PTPN22: variants seen among roughly 807,000 people sequenced by gnomAD.
The protein encoded by PTPN22 is protein tyrosine phosphatase non-receptor type 22, also known as tyrosine-protein phosphatase non-receptor type 22.
In PTPN22, 85 loss-of-function variants were observed where a neutral mutation model predicts 103.3. That is an observed-to-expected ratio of 0.82 (90% confidence interval 0.69 to 0.99). The LOEUF (loss-of-function observed/expected upper bound fraction) is 0.99, where lower values mean the gene tolerates loss of function less well. PTPN22 is among the 50% of genes least tolerant of loss of function. The pLI, the probability that PTPN22 is intolerant of heterozygous loss-of-function variation, is 0.00. For missense variants in PTPN22, 865 were observed against 936.9 expected (o/e 0.92, Z 1.00); for synonymous variants, 323 against 310.2 (o/e 1.04, Z -0.43).
At chr1:113,831,963 ATATT>A (rs1387013810) in intron 16 of PTPN22, among the ~76,000 whole-genome samples, 1 of 152,256 alleles carries the variant, frequency 6.6e-6, no homozygotes, top group Non-Finnish European at 1.5e-5. Flanking sequence ...ATAATCGATA[ATATT>A]TAATGAGGAC....
At position 113,832,449 on chromosome 1, in the gene PTPN22, A is replaced by T. The variant is rs185484504; in HGVS notation, c.2053+662T>A. Reference sequence around the variant, plus strand: ...AGCTTTGGCCTCCCAAAGTGCTGGGATTACAGGTGTGAGCCACTGCGCCTG... The same window carrying T: ...AGCTTTGGCCTCCCAAAGTGCTGGGTTTACAGGTGTGAGCCACTGCGCCTG... On this transcript the variant is annotated intron_variant, in intron 16 of 20. Transcript: ENST00000359785. Among the ~76,000 whole-genome samples the T allele has an allele frequency of 2.0e-3, 310 of 152,216 alleles. 5 individuals carry two copies. The highest frequency in any genetic ancestry group is 2.5e-4 in the Non-Finnish European group (17 of 68,014).
chr1:113,813,955 A>G (rs921218289), exon 21 of PTPN22: 1 of 152,294 alleles, frequency 6.6e-6, no homozygotes, highest in Non-Finnish European at 1.5e-5. Context: ...ACAATACTAC[A>G]TGTTTCTAAA....
intron 10 of PTPN22, among the ~76,000 whole-genome samples, chr1:113,850,961 T>A (rs1664519868): frequency 1.3e-5 from 2 of 152,186 alleles, no homozygotes; most frequent in Admixed American, 6.6e-5. Context: ...AAATTCTATA[T>A]TAAAAATGGA....
At chr1:113,854,513 A>C (rs1349042726) in exon 9 of PTPN22, 1 of 1,614,012 alleles carries the variant, frequency 6.2e-7, no homozygotes, top group South Asian at 1.1e-5. Flanking sequence ...TAGCACAAAT[A>C]ACACCAGTCC....
In PTPN22 at chr1:113,816,304, C is replaced by T. The variant is rs1661142877; in HGVS notation, c.2360-1335G>A. 4.0e-5 allele frequency among the ~76,000 whole-genome samples: 6 copies of T among 151,704 alleles called. No homozygotes were observed. The South Asian group carries it at 1.2e-3, about 32-fold the overall frequency. On this transcript the variant is annotated intron_variant, in intron 20 of 20. Transcript: ENST00000359785. ...CCTGGGCAACATAGTGAAACCTTGT[C>T]TCTACAAAAAAACACAAAAAAATTA...
chr1:113,866,992 T>C (rs1211028086), intron 1 of PTPN22, among the ~76,000 whole-genome samples: 1 of 152,124 alleles, frequency 6.6e-6, no homozygotes, highest in Non-Finnish European at 1.5e-5. Flanking sequence ...AGCCATCTGC[T>C]CGTCTCAGCC....
Position 113,834,908 on chromosome 1 carries a change from A to G in PTPN22, c.1894+2T>C, listed in dbSNP as rs745646055. On this transcript the variant is annotated splice_donor_variant, in intron 14 of 20. Coordinates refer to ENST00000359785, the Ensembl canonical transcript of PTPN22. LOFTEE classifies it high-confidence loss of function. ...ATTTTATACTTACTGAACTGTACTC[A>G]CCAGCTTCCTCAACCACAATAAATG... The G allele has an allele frequency of 9.0e-6, 14 of 1,556,834 alleles. No homozygotes were observed. The East Asian group carries it at 1.7e-4, about 18-fold the overall frequency.
chr1:113,842,110 G>C (rs1663604214), intron 11 of PTPN22, among the ~76,000 whole-genome samples: 1 of 152,088 alleles, frequency 6.6e-6, no homozygotes, highest in South Asian at 2.1e-4. Context: ...CTCAGGAGCT[G>C]AGGTGGGAGG....
Position 113,838,484 on chromosome 1 carries a change from C to T in PTPN22, c.992+60G>A, listed in dbSNP as rs377590354. Reference sequence around the variant, plus strand: ...TCCTAGCATCACAATGATGTATAAGCATGAGATTCATCTCCCAGACACAAT... The same window carrying T: ...TCCTAGCATCACAATGATGTATAAGTATGAGATTCATCTCCCAGACACAAT... On this transcript the variant is annotated intron_variant, in intron 12 of 20. Coordinates refer to ENST00000359785, the Ensembl canonical transcript of PTPN22. The T allele has an allele frequency of 3.5e-5, 56 of 1,602,200 alleles. No individual in the cohort carries two copies. The South Asian group carries it at 6.1e-4, about 17-fold the overall frequency.
chr1:113,821,795 T>C (rs550670320), intron 19 of PTPN22, among the ~76,000 whole-genome samples: 121 of 152,306 alleles, frequency 7.9e-4, no homozygotes, highest in African/African-American at 2.6e-3. Context: ...TGATTTTCAG[T>C]TGGTATATTG....
chr1:113,837,951 C>G (rs1376842796), exon 13 of PTPN22: 3 of 1,613,970 alleles, frequency 1.9e-6, no homozygotes, highest in African/African-American at 1.3e-5. Context: ...GAGCCTGCAT[C>G]TCTACAAAAC....
chr1:113,861,671 G>T (rs892249779), intron 1 of PTPN22, among the ~76,000 whole-genome samples: 12 of 152,046 alleles, frequency 7.9e-5, no homozygotes, highest in African/African-American at 2.4e-4. Context: ...GAGCCACCGC[G>T]CCCGGCAGGC....
At chr1:113,839,133 A>G (rs1195278572) in intron 11 of PTPN22, among the ~76,000 whole-genome samples, 1 of 152,172 alleles carries the variant, frequency 6.6e-6, no homozygotes, top group African/African-American at 2.4e-5. Flanking sequence ...CAAATTTTGC[A>G]TGGCTGGCTC....
intron 11 of PTPN22, among the ~76,000 whole-genome samples, chr1:113,839,441 G>A (rs1390293127): frequency 1.3e-5 from 2 of 150,838 alleles, no homozygotes; most frequent in Non-Finnish European, 2.9e-5. Flanking sequence ...CCAGGCTGGA[G>A]TGCAGTGGCA....
chr1:113,824,454 CCA>C (rs768058412), intron 19 of PTPN22, among the ~76,000 whole-genome samples: 2 of 152,216 alleles, frequency 1.3e-5, no homozygotes, highest in Non-Finnish European at 2.9e-5. Context: ...AGATAATTTT[CCA>C]CAGTTTCAGG....
Position 113,832,906 on chromosome 1 carries a change from T to C in PTPN22, c.2053+205A>G, listed in dbSNP as rs879032369. ...TTTATATATTATTTCAGAGAGGTTATATATTAAGGAGCAGAATTCTAAAAT... is the reference window on the plus strand; with the variant it reads ...TTTATATATTATTTCAGAGAGGTTACATATTAAGGAGCAGAATTCTAAAAT... On this transcript the variant is annotated intron_variant, in intron 16 of 20. Coordinates refer to ENST00000359785, the Ensembl canonical transcript of PTPN22. 3.9e-4 allele frequency: 197 copies of C among 498,928 alleles called. 1 individual carries two copies. In the South Asian group the frequency reaches 4.1e-3, roughly 10 times the overall value. 30.9% of individuals were successfully genotyped at this position (498,928 alleles called of 1,614,324 possible).
chr1:113,825,224 C>A, intron 18 of PTPN22, 52 bp from the exon 19 acceptor site: 1 of 1,129,532 alleles, frequency 8.9e-7, no homozygotes, highest in Non-Finnish European at 1.3e-6. Context: ...ACTTGAAATA[C>A]TTTAATCAAA....
At chr1:113,836,842 G>A (rs1306125828) in intron 13 of PTPN22, among the ~76,000 whole-genome samples, 2 of 151,980 alleles carry the variant, frequency 1.3e-5, no homozygotes, top group African/African-American at 4.8e-5. Flanking sequence ...GGGAGGATTG[G>A]TTGAGCCCAG....
rs886386534 is a variant in PTPN22 at position 113,819,568 on chromosome 1, C to A, written c.2359+9G>T. 1.3e-6 allele frequency: 2 copies of A among 1,582,642 alleles called. No homozygotes were observed. The highest frequency in any genetic ancestry group is 1.1e-5 in the South Asian group (1 of 88,400). On this transcript the variant is annotated intron_variant, in intron 20 of 20. Transcript: ENST00000359785. ...TTTTTTTAACTCTTCAGTAAAATAACACACATACCAAAATTCAGAAATGAG... is the reference window on the plus strand; with the variant it reads ...TTTTTTTAACTCTTCAGTAAAATAAAACACATACCAAAATTCAGAAATGAG...
Sources: allele counts gnomAD v4.1 joint callset (sites outside exome capture counted in the v4.1 genomes callset), GRCh38; gene constraint gnomAD v4.1.1; transcripts MANE v1.5; gene names NCBI Gene and HGNC (gene_info 2026-07-23, HGNC 2026-07-21).